The following CRPPA variants were observed in gnomAD, a reference collection of about 807,000 sequenced individuals.
CRPPA encodes CDP-L-ribitol pyrophosphorylase A, also known as D-ribitol-5-phosphate cytidylyltransferase.
A neutral mutation model predicts 52.0 loss-of-function variants in CRPPA; 43 were observed. The ratio of observed to expected loss-of-function variants is 0.83; its 90% confidence interval spans 0.65 to 1.07. The LOEUF (loss-of-function observed/expected upper bound fraction) is 1.07. Among genes scored for constraint, CRPPA ranks in the 50% least tolerant of loss-of-function variants. The pLI, the probability that CRPPA is intolerant of heterozygous loss-of-function variation, is 0.00. For synonymous variants in CRPPA, 250 were observed against 203.5 expected (o/e 1.23, Z -1.94); for missense variants, 629 against 551.7 (o/e 1.14, Z -1.40).
chr7:16,259,960 T>G (rs1783751982), intron 6 of CRPPA, among the ~76,000 whole-genome samples: 1 of 152,042 alleles, frequency 6.6e-6, no homozygotes, highest in Admixed American at 6.6e-5. Context: ...ATTAGTTGGC[T>G]ATTAAATTTT....
chr7:16,175,248 G>C (rs981669487), intron 9 of CRPPA, among the ~76,000 whole-genome samples: 1 of 151,978 alleles, frequency 6.6e-6, no homozygotes, highest in Admixed American at 6.6e-5. Flanking sequence ...CCAAATCACA[G>C]TACTCTCTAA....
chr7:16,342,774 A>ATAT (rs1342441804), intron 3 of CRPPA, among the ~76,000 whole-genome samples: 4,178 of 51,776 alleles, frequency 0.081, 645 homozygotes, highest in African/African-American at 0.29. Flanking sequence ...AAAAAAAAAA[A>ATAT]AAAAAAAAAT....
rs544249165 is a variant in CRPPA, at chr7:16,392,935, A to G, written c.534+13126T>C. 3.3e-5 allele frequency among the ~76,000 whole-genome samples: 5 copies of G among 152,236 alleles called. No individual in the cohort carries two copies. The East Asian group carries it at 9.7e-4, about 29-fold the overall frequency. On this transcript the variant is annotated intron_variant, in intron 2 of 9. Coordinates refer to ENST00000407010, the MANE Select transcript of CRPPA (RefSeq NM_001101426.4). ...TCTTTTCTCTAAAAAGTATTCTTGT[A>G]CTTCTTTAAACATTTCTTGACCACT...
chr7:16,285,060 G>C (rs1784395769), intron 5 of CRPPA, among the ~76,000 whole-genome samples: 1 of 152,060 alleles, frequency 6.6e-6, no homozygotes, highest in Non-Finnish European at 1.5e-5. Flanking sequence ...GATTAATACT[G>C]ATAATTTTCT....
At chr7:16,215,333 T>G (rs929463213) in intron 9 of CRPPA, among the ~76,000 whole-genome samples, 4 of 152,244 alleles carry the variant, frequency 2.6e-5, no homozygotes, top group Admixed American at 2.6e-4. Flanking sequence ...AAGCTATCTA[T>G]GCACAAAGGA....
chr7:16,095,520 G>A (rs1781918978), intron 9 of CRPPA, among the ~76,000 whole-genome samples: 1 of 151,984 alleles, frequency 6.6e-6, no homozygotes, highest in Non-Finnish European at 1.5e-5. Flanking sequence ...GATAGAGTAG[G>A]GTATATCACC....
chr7:16,288,759 T>C (rs1583494575), intron 5 of CRPPA, among the ~76,000 whole-genome samples: 3 of 146,596 alleles, frequency 2.0e-5, no homozygotes, highest in South Asian at 4.2e-4. Context: ...AGGTAGGAAA[T>C]TGCTTCAACC....
chr7:16,210,642 G>C (rs1203716899), intron 9 of CRPPA: 1 of 152,206 alleles, frequency 6.6e-6, no homozygotes, highest in Non-Finnish European at 1.5e-5. Context: ...GGAGAGCTTT[G>C]AGATGGTTGC....
intron 3 of CRPPA, among the ~76,000 whole-genome samples, chr7:16,366,798 A>T (rs1375645873): frequency 1.3e-5 from 2 of 151,868 alleles, no homozygotes; most frequent in African/African-American, 4.8e-5. Flanking sequence ...AGAAAAATAA[A>T]AAAAAAAAAA....
intron 9 of CRPPA, among the ~76,000 whole-genome samples, chr7:16,093,067 CTA>C (rs1781867148): frequency 6.6e-6 from 1 of 152,144 alleles, no homozygotes; most frequent in African/African-American, 2.4e-5. Context: ...TGAAGTGACT[CTA>C]TGTTTCCACA....
chr7:16,372,631 T>A (rs1277644434), intron 3 of CRPPA, among the ~76,000 whole-genome samples: 2 of 151,654 alleles, frequency 1.3e-5, no homozygotes, highest in Non-Finnish European at 2.9e-5. Flanking sequence ...AACAATAACA[T>A]AATGAAAAAA....
intron 3 of CRPPA, among the ~76,000 whole-genome samples, chr7:16,337,433 C>T (rs1785712579): frequency 6.6e-6 from 1 of 152,030 alleles, no homozygotes; most frequent in African/African-American, 2.4e-5. Context: ...GGGAACACAA[C>T]ATACCAAAAC....
At chr7:16,201,785 A>C (rs530886861) in intron 9 of CRPPA, among the ~76,000 whole-genome samples, 1 of 152,306 alleles carries the variant, frequency 6.6e-6, no homozygotes, top group East Asian at 1.9e-4. Flanking sequence ...TGCATGTGTA[A>C]AACTTTTGAG....
At chr7:16,121,606 G>C (rs192643995) in intron 9 of CRPPA, among the ~76,000 whole-genome samples, 2 of 152,092 alleles carry the variant, frequency 1.3e-5, no homozygotes, top group East Asian at 1.9e-4. Context: ...AATAAAAAAA[G>C]ACTTCGTAAA....
intron 4 of CRPPA, among the ~76,000 whole-genome samples, chr7:16,308,039 G>A (rs1051955634): frequency 6.6e-6 from 1 of 152,064 alleles, no homozygotes; most frequent in Non-Finnish European, 1.5e-5. Flanking sequence ...GATCGTGGGG[G>A]CAGATTTCCG....
intron 8 of CRPPA, among the ~76,000 whole-genome samples, chr7:16,229,628 T>A (rs1395978334): frequency 6.6e-6 from 1 of 152,168 alleles, no homozygotes; most frequent in Non-Finnish European, 1.5e-5. Context: ...CTATTTTTAA[T>A]AGGTTTGCCT....
At chr7:16,285,595 C>G (rs547252619) in intron 5 of CRPPA, among the ~76,000 whole-genome samples, 1 of 151,876 alleles carries the variant, frequency 6.6e-6, no homozygotes, top group African/African-American at 2.4e-5. Flanking sequence ...AAAATTCATG[C>G]CAGAATATAA....
At chr7:16,166,457 TTTAGTAGAGACAAGGTTTCACC>T (rs1237578626) in intron 9 of CRPPA, among the ~76,000 whole-genome samples, 5 of 152,114 alleles carry the variant, frequency 3.3e-5, no homozygotes, top group African/African-American at 4.8e-5. Flanking sequence ...TATTTGTATT[TTTAGTAGAGACAAGGTTTCACC>T]TTGTTGGCCA....
intron 9 of CRPPA, among the ~76,000 whole-genome samples, chr7:16,139,433 A>T (rs1476356894): frequency 6.6e-6 from 1 of 152,178 alleles, no homozygotes; most frequent in African/African-American, 2.4e-5. Flanking sequence ...TACACATTTT[A>T]TGACTGATTC....
Sources: allele counts gnomAD v4.1 joint callset (sites outside exome capture counted in the v4.1 genomes callset), GRCh38; gene constraint gnomAD v4.1.1; transcripts MANE v1.5; gene names NCBI Gene and HGNC (gene_info 2026-07-23, HGNC 2026-07-21).